RBKS: variants seen among roughly 807,000 people sequenced by gnomAD.
The protein encoded by RBKS is ribokinase.
RBKS carries 33 observed loss-of-function variants against 33.9 expected under a neutral mutation model. The observed-to-expected ratio is 0.97, with a 90% CI of 0.74 to 1.30. RBKS has a LOEUF of 1.30. RBKS is among the 50% of genes most tolerant of loss of function. The probability of loss-of-function intolerance (pLI) is 0.00; values close to 1 mark genes in which losing one functional copy is unlikely to be tolerated. For missense variants in RBKS, 361 were observed against 392.6 expected (o/e 0.92, Z 0.68); for synonymous variants, 125 against 143.0 (o/e 0.87, Z 0.90).
chr2:27,838,194 C>G (rs868610276), intron 5 of RBKS, among the ~76,000 whole-genome samples: 1 of 152,064 alleles, frequency 6.6e-6, no homozygotes, highest in African/African-American at 2.4e-5. Flanking sequence ...GAATGAGACT[C>G]TATCTCAAAC....
intron 7 of RBKS, among the ~76,000 whole-genome samples, chr2:27,816,788 A>G (rs1413014251): frequency 1.3e-5 from 2 of 151,986 alleles, no homozygotes; most frequent in African/African-American, 2.4e-5. Flanking sequence ...TAGTAGAGAC[A>G]GGGTTTCACT....
intron 1 of RBKS, among the ~76,000 whole-genome samples, chr2:27,867,566 C>T (rs1030898893): frequency 6.6e-6 from 1 of 152,028 alleles, no homozygotes; most frequent in African/African-American, 2.4e-5. Flanking sequence ...GCTGAGTATA[C>T]AAGGTGTCAG....
In RBKS at chr2:27,848,098, C is replaced by G; in HGVS notation, c.223-1G>C. 1 of 1,471,958 alleles carries G rather than the reference C, an allele frequency of 6.8e-7. No individual in the cohort carries two copies. The highest frequency in any genetic ancestry group is 9.4e-7 in the Non-Finnish European group (1 of 1,062,194). 91.2% of individuals were successfully genotyped at this position (1,471,958 alleles called of 1,614,324 possible). On this transcript the variant is annotated splice_acceptor_variant, in intron 2 of 7. Transcript: ENST00000302188. LOFTEE classifies it high-confidence loss of function. ...CATTGCCAAAAGAATCTTTGCCAAC[C>G]TGTACCAAAGAAATAATGAATATTA...
chr2:27,784,610 G>C (rs951462779), intron 7 of RBKS, among the ~76,000 whole-genome samples: 5 of 152,198 alleles, frequency 3.3e-5, no homozygotes, highest in African/African-American at 1.2e-4. Flanking sequence ...TTTATAAAGA[G>C]AAGGCAGACC....
Position 27,832,783 on chromosome 2 carries a change from A to C in RBKS, c.515-6T>G. 1 of 1,575,106 alleles carries C rather than the reference A, an allele frequency of 6.3e-7. No individual in the cohort carries two copies. Among genetic ancestry groups the C allele is most frequent in the Non-Finnish European group, 8.7e-7 (1 of 1,144,652 alleles). On this transcript the variant is annotated splice_polypyrimidine_tract_variant and splice_region_variant and intron_variant, in intron 5 of 7. Coordinates refer to ENST00000302188, the MANE Select transcript of RBKS (RefSeq NM_022128.3). Reference sequence around the variant, plus strand: ...TGGATTGAACAAGGTTTTCACTACAAAGGAATGGAAAAGGGGGTTATTATT... The same window carrying C: ...TGGATTGAACAAGGTTTTCACTACACAGGAATGGAAAAGGGGGTTATTATT...
chr2:27,826,413 C>CTTT (rs1269916189), intron 7 of RBKS, among the ~76,000 whole-genome samples: 2 of 142,812 alleles, frequency 1.4e-5, no homozygotes, highest in Non-Finnish European at 1.5e-5. Flanking sequence ...TTTTTCTTTT[C>CTTT]TTTTTTTTTT....
At chr2:27,851,179 G>A (rs1663738807) in intron 2 of RBKS, among the ~76,000 whole-genome samples, 2 of 152,088 alleles carry the variant, frequency 1.3e-5, no homozygotes, top group Admixed American at 1.3e-4. Context: ...GTTCCTTTCT[G>A]GATATATCAA....
chr2:27,794,768 C>T lies in RBKS; in HGVS notation c.796-12980G>A, dbSNP rs558721720. ...CCTCCCAAGTAGCTGGGATTACAAG[C>T]GTGTGTCACCACGCCCGGCTAATTT... On this transcript the variant is annotated intron_variant, in intron 7 of 7. Transcript: ENST00000302188. Among the ~76,000 whole-genome samples the T allele has an allele frequency of 1.2e-4, 18 of 151,964 alleles. No homozygotes were observed. In the South Asian group the frequency reaches 2.1e-3, roughly 18 times the overall value.
Position 27,837,068 on chromosome 2 carries a change from T to C in RBKS, c.515-4291A>G, listed in dbSNP as rs114536562. On this transcript the variant is annotated intron_variant, in intron 5 of 7. Coordinates refer to ENST00000302188, the MANE Select transcript of RBKS (RefSeq NM_022128.3). This position sits in a 1 kb window ranked among gnomAD's most constrained non-coding sequence, Gnocchi z 4.0. Reference sequence around the variant, plus strand: ...CAGGCAGATCACGAGGATCGGGAGATTAAGATCATCCTGGCTAACACGGTG... The same window carrying C: ...CAGGCAGATCACGAGGATCGGGAGACTAAGATCATCCTGGCTAACACGGTG... Among the ~76,000 whole-genome samples, 1,203 of 152,020 alleles carry C rather than the reference T, an allele frequency of 7.9e-3. 27 individuals carry two copies. Among genetic ancestry groups the C allele is most frequent in the African/African-American group, 0.027 (1,134 of 41,344 alleles).
intron 7 of RBKS, among the ~76,000 whole-genome samples, chr2:27,815,057 A>G (rs995442529): frequency 1.3e-5 from 2 of 152,106 alleles, no homozygotes; most frequent in African/African-American, 2.4e-5. Context: ...ACATGCACAC[A>G]CTTTTATACA....
chr2:27,819,960 C>T (rs956347468), intron 7 of RBKS, among the ~76,000 whole-genome samples: 1 of 152,178 alleles, frequency 6.6e-6, no homozygotes, highest in African/African-American at 2.4e-5. Flanking sequence ...TAATGGAGAT[C>T]TAAGTTTTTG....
chr2:27,783,970 A>ATT (rs1677339552), intron 7 of RBKS, among the ~76,000 whole-genome samples: 2 of 104,520 alleles, frequency 1.9e-5, no homozygotes, highest in Non-Finnish European at 3.9e-5. Context: ...TCTCAGGGTC[A>ATT]TTTTCTTTTT....
chr2:27,822,827 C>T lies in RBKS; in HGVS notation c.795+4740G>A, dbSNP rs539444392. Among the ~76,000 whole-genome samples the T allele has an allele frequency of 1.1e-3, 163 of 152,294 alleles. 2 individuals are homozygous for T. Among genetic ancestry groups the T allele is most frequent in the African/African-American group, 3.7e-3 (155 of 41,556 alleles). ...TGTTTGTTCTCAGCTTACTTACATA[C>T]CCATGCGTTATTACAGAGTGAGTGA... On this transcript the variant is annotated intron_variant, in intron 7 of 7. Coordinates refer to ENST00000302188, the MANE Select transcript of RBKS (RefSeq NM_022128.3).
intron 1 of RBKS, among the ~76,000 whole-genome samples, chr2:27,889,012 T>C (rs1245424247): frequency 6.6e-6 from 1 of 152,184 alleles, no homozygotes; most frequent in African/African-American, 2.4e-5. Context: ...TGTGGAAAAA[T>C]AAAGGTCATT....
intron 7 of RBKS, 119 bp from the exon 8 acceptor site, chr2:27,781,907 A>C: frequency 1.2e-6 from 1 of 862,324 alleles, no homozygotes. Context: ...AAAAGGTACA[A>C]GGATAATACA....
At chr2:27,791,658 CATA>C (rs1655117324) in intron 7 of RBKS, among the ~76,000 whole-genome samples, 1 of 143,132 alleles carries the variant, frequency 7.0e-6, no homozygotes, top group African/African-American at 2.6e-5. Flanking sequence ...TATACATATA[CATA>C]TACATATACA....
At chr2:27,868,252 C>A (rs1664137415) in intron 1 of RBKS, among the ~76,000 whole-genome samples, 1 of 152,008 alleles carries the variant, frequency 6.6e-6, no homozygotes, top group Admixed American at 6.6e-5. Context: ...TTTAATTTAT[C>A]TACTATTTTT....
intron 2 of RBKS, among the ~76,000 whole-genome samples, chr2:27,851,279 GT>G (rs1467748670): frequency 2.6e-5 from 4 of 152,124 alleles, no homozygotes; most frequent in Non-Finnish European, 4.4e-5. Flanking sequence ...AACCTCACCT[GT>G]TTTTCAAGTA....
chr2:27,829,249 G>C (rs1019230891), intron 6 of RBKS, among the ~76,000 whole-genome samples: 1 of 151,528 alleles, frequency 6.6e-6, no homozygotes, highest in South Asian at 2.1e-4. Flanking sequence ...GTTGTTGATT[G>C]TGCTGGGTGA....
Sources: allele counts gnomAD v4.1 joint callset (sites outside exome capture counted in the v4.1 genomes callset), GRCh38; gene constraint gnomAD v4.1.1; non-coding constraint Gnocchi (gnomAD v3.1); transcripts MANE v1.5; gene names NCBI Gene and HGNC (gene_info 2026-07-23, HGNC 2026-07-21).